LRRC42: variants seen among roughly 807,000 people sequenced by gnomAD.
LRRC42 encodes the protein leucine rich repeat containing 42, also known as leucine-rich repeat-containing protein 42.
In LRRC42, 43 loss-of-function variants were observed where a neutral mutation model predicts 44.3. The ratio of observed to expected loss-of-function variants is 0.97; its 90% CI spans 0.76 to 1.25. The LOEUF (loss-of-function observed/expected upper bound fraction) is 1.25. LRRC42 is among the 50% of genes most tolerant of loss of function. The pLI is 0.00. For missense variants in LRRC42, 540 were observed against 509.1 expected, an observed-to-expected ratio of 1.06 and a Z score of -0.58; for synonymous variants, 207 against 195.2, an observed-to-expected ratio of 1.06 and a Z score of -0.50.
In LRRC42 at chr1:53,952,047, C is replaced by G. The variant is rs371996416; in HGVS notation, c.48C>G (p.Ile16Met). 9.3e-6 allele frequency: 15 copies of G among 1,614,218 alleles called. No individual in the cohort carries two copies. Among genetic ancestry groups the G allele is most frequent in the Non-Finnish European group, 1.3e-5 (15 of 1,180,040 alleles). ...SSENHLDPGP[I>M]YMRENGQLHM... Reference sequence around the variant, plus strand: ...AAAACCACCTGGACCCAGGGCCCATCTACATGCGAGAAAATGGGCAGCTGC... The same window carrying G: ...AAAACCACCTGGACCCAGGGCCCATGTACATGCGAGAAAATGGGCAGCTGC... The change falls in exon 3 of 9, where the codon ATC becomes ATG. Residue 16 changes from isoleucine to methionine, a missense_variant. Physicochemically the swap from Ile to Met is conservative, Grantham distance 10. Coordinates refer to ENST00000371370, the MANE Select transcript of LRRC42 (RefSeq NM_001256409.2).
chr1:53,957,595 A>G (rs1053374064), intron 3 of LRRC42, among the ~76,000 whole-genome samples: 1 of 152,226 alleles, frequency 6.6e-6, no homozygotes, highest in Non-Finnish European at 1.5e-5. Flanking sequence ...CTTGCTGTAC[A>G]TACTTTTGGA....
At chr1:53,957,204 G>T (rs1470164339) in intron 3 of LRRC42, among the ~76,000 whole-genome samples, 1 of 152,188 alleles carries the variant, frequency 6.6e-6, no homozygotes, top group Non-Finnish European at 1.5e-5. Context: ...TACTCTTTTA[G>T]GTGTAACCCC....
At chr1:53,958,465 G>A (rs1654905346) in intron 4 of LRRC42, among the ~76,000 whole-genome samples, 185 bp downstream of exon 4, 1 of 152,148 alleles carries the variant, frequency 6.6e-6, no homozygotes, top group Admixed American at 6.5e-5. Context: ...CCCTTAGAAA[G>A]TCAGTCAGTT....
At position 53,968,092 on chromosome 1, in the gene LRRC42, G is replaced by A; in HGVS notation, c.*153G>A. On this transcript the variant is annotated 3_prime_UTR_variant, in exon 9 of 9. Coordinates refer to ENST00000371370, the MANE Select transcript of LRRC42 (RefSeq NM_001256409.2). ...TTGTGGTGTGGGAGGGGAATGCTAT[G>A]GAAGTATGTAATAATTTCTAATGTA... 4.2e-6 allele frequency: 3 copies of A among 713,732 alleles called. No individual in the cohort carries two copies. In the Admixed American group the frequency reaches 8.6e-5, roughly 20 times the overall value. 44.2% of individuals were successfully genotyped at this position (713,732 alleles called of 1,614,324 possible).
intron 3 of LRRC42, among the ~76,000 whole-genome samples, chr1:53,957,530 G>A (rs374480089): frequency 6.6e-6 from 1 of 152,230 alleles, no homozygotes; most frequent in African/African-American, 2.4e-5. Context: ...TAAGTTGCTC[G>A]TGCTCAGGGT....
intron 4 of LRRC42, among the ~76,000 whole-genome samples, chr1:53,958,592 TA>T (rs1340788194): frequency 6.6e-6 from 1 of 152,212 alleles, no homozygotes; most frequent in Non-Finnish European, 1.5e-5. Context: ...TTTTTATTTT[TA>T]TTTTTTTTGG....
chr1:53,946,815 G>A (rs1164485535), intron 1 of LRRC42, among the ~76,000 whole-genome samples: 1 of 151,804 alleles, frequency 6.6e-6, no homozygotes, highest in Non-Finnish European at 1.5e-5. Flanking sequence ...GGTGGACTCG[G>A]GGAGAGGCAT....
chr1:53,960,577 A>G, intron 5 of LRRC42, 103 bp downstream of exon 5: 1 of 851,528 alleles, frequency 1.2e-6, no homozygotes, highest in East Asian at 2.6e-5. Flanking sequence ...AGGAAAGGTG[A>G]CTTTCCTCGG....
rs551296330 is a variant in LRRC42, at chr1:53,967,732, C to T, written c.1080C>T (p.Ser360=). 15 of 1,614,082 alleles carry T rather than the reference C, an allele frequency of 9.3e-6. No individual in the cohort carries two copies. The highest frequency in any genetic ancestry group is 5.5e-5 in the South Asian group (5 of 91,074). The part of the protein sequence containing the change: ...CPLADTHMNS[S]EKLQFYKEKA... ...TGGCAGACACCCACATGAACTCTTC[C>T]GAGAAACTCCAGTTCTATAAAGAGA... is the stretch of plus-strand genomic sequence containing the variant. Residue 360 remains serine (S), a synonymous_variant, in exon 9 of 9, where the codon TCC becomes TCT. Transcript: ENST00000371370.
chr1:53,960,172 T>C (rs1654955628), intron 4 of LRRC42, among the ~76,000 whole-genome samples, 184 bp from the exon 5 acceptor site: 1 of 152,144 alleles, frequency 6.6e-6, no homozygotes. Flanking sequence ...AGTGCTGACA[T>C]TACAAGCATG....
In LRRC42 at chr1:53,958,289, C is replaced by T. The variant is rs1179571082; in HGVS notation, c.605+9C>T. 1 of 1,612,702 alleles carries T rather than the reference C, an allele frequency of 6.2e-7. No homozygotes were observed. The highest frequency in any genetic ancestry group is 8.5e-7 in the Non-Finnish European group (1 of 1,179,052). ...AATGAAGCCCTGTCTAGGTACTGAC[C>T]TGTCACCACTTGCAGATGAATTGTT... On this transcript the variant is annotated intron_variant, in intron 4 of 8. Coordinates refer to ENST00000371370, the MANE Select transcript of LRRC42 (RefSeq NM_001256409.2).
rs983719886 is a variant in LRRC42, at chr1:53,962,014, A to G, written c.725-20A>G. On this transcript the variant is annotated intron_variant, in intron 5 of 8. Coordinates refer to ENST00000371370, the MANE Select transcript of LRRC42 (RefSeq NM_001256409.2). ...AGCATTTATATTGTGACAGAATGCT[A>G]CGTTGTTTTTGACATCTAGGTAACC... 15 of 1,555,604 alleles carry G rather than the reference A, an allele frequency of 9.6e-6. No homozygotes were observed. The highest frequency in any genetic ancestry group is 1.7e-4 in the Middle Eastern group (1 of 5,928).
At chr1:53,962,814 C>T (rs189150261) in intron 7 of LRRC42, among the ~76,000 whole-genome samples, 126 of 152,268 alleles carry the variant, frequency 8.3e-4, no homozygotes, top group African/African-American at 3.0e-3. Flanking sequence ...AAATATGATT[C>T]TTCTCTTTGT....
At chr1:53,967,503 A>C (rs1655159113) in intron 8 of LRRC42, among the ~76,000 whole-genome samples, 162 bp from the exon 9 acceptor site, 2 of 152,188 alleles carry the variant, frequency 1.3e-5, no homozygotes, top group South Asian at 4.1e-4. Context: ...CTGTGCCGCC[A>C]TGCACACCAC....
chr1:53,954,015 G>A (rs1312483065), intron 3 of LRRC42, among the ~76,000 whole-genome samples: 1 of 152,174 alleles, frequency 6.6e-6, no homozygotes, highest in Non-Finnish European at 1.5e-5. Flanking sequence ...TTACAGGCAT[G>A]AGCCCCCATG....
At chr1:53,967,498 C>A (rs1219520244) in intron 8 of LRRC42, among the ~76,000 whole-genome samples, 167 bp from the exon 9 acceptor site, 2 of 152,158 alleles carry the variant, frequency 1.3e-5, no homozygotes, top group Non-Finnish European at 2.9e-5. Flanking sequence ...CCAACCTGTG[C>A]CGCCATGCAC....
chr1:53,954,838 A>G (rs1298372948), intron 3 of LRRC42, among the ~76,000 whole-genome samples: 1 of 152,240 alleles, frequency 6.6e-6, no homozygotes, highest in Admixed American at 6.5e-5. Context: ...CAGTTTAGCA[A>G]TATGTATCAA....
intron 2 of LRRC42, among the ~76,000 whole-genome samples, chr1:53,948,172 T>C (rs1654576572): frequency 6.6e-6 from 1 of 152,218 alleles, no homozygotes; most frequent in African/African-American, 2.4e-5. Context: ...CAACTTGTTA[T>C]TCTTAGGGGA....
intron 4 of LRRC42, 83 bp downstream of exon 4, chr1:53,958,363 T>C: frequency 6.5e-7 from 1 of 1,529,346 alleles, no homozygotes; most frequent in Non-Finnish European, 8.9e-7. Flanking sequence ...TCAGGAATGC[T>C]GATTACTTCC....
Sources: allele counts gnomAD v4.1 joint callset (sites outside exome capture counted in the v4.1 genomes callset), GRCh38; gene constraint gnomAD v4.1.1; transcripts MANE v1.5; gene names NCBI Gene and HGNC (gene_info 2026-07-23, HGNC 2026-07-21).